The following NOTCH3 variants were observed in gnomAD, a reference collection of about 807,000 sequenced individuals.
NOTCH3 encodes the protein neurogenic locus notch homolog protein 3.
In NOTCH3, 86 loss-of-function variants were observed where a neutral mutation model predicts 213.3. That is an observed-to-expected ratio of 0.40 (90% CI 0.34 to 0.48). The LOEUF is 0.48. Among genes scored for constraint, NOTCH3 ranks in the 20% least tolerant of loss-of-function variants. NOTCH3 has a pLI of 0.57. For synonymous variants in NOTCH3, 1,354 were observed against 1,355.9 expected (o/e 1.00, Z 0.03); for missense variants, 2,783 against 3,272.6 (o/e 0.85, Z 3.65).
At chr19:15,174,839 GC>G (rs1292744924) in intron 24 of NOTCH3, among the ~76,000 whole-genome samples, 1 of 152,130 alleles carries the variant, frequency 6.6e-6, no homozygotes, top group African/African-American at 2.4e-5. Context: ...CTCCCAAAGT[GC>G]TGGGATCACA....
chr19:15,177,877 G>T lies in NOTCH3; in HGVS notation c.4051C>A (p.Arg1351Ser). The T allele has an allele frequency of 8.1e-7, 1 of 1,233,876 alleles. No individual in the cohort carries two copies. Among genetic ancestry groups the T allele is most frequent in the Non-Finnish European group, 1.0e-6 (1 of 990,186 alleles). 76.4% of individuals were successfully genotyped at this position (1,233,876 alleles called of 1,614,324 possible). A position where few individuals can be genotyped will look rare whatever the true frequency, so the allele number is the denominator to read the frequency against. Residue 1351 changes from arginine (R) to serine (S), a missense_variant, in exon 24 of 33, where the codon CGC becomes AGC. By Grantham distance (110) the Arg-to-Ser change is moderately radical. Around this residue, in one of 6 missense-constraint regions of NOTCH3, gnomAD observed 133 missense variants for 201.9 expected, o/e 0.66. Coordinates refer to ENST00000263388, the MANE Select transcript of NOTCH3 (RefSeq NM_000435.3). ...AAPCLHGGSC[R>S]PAPLAPFFRC... Reference sequence around the variant, plus strand: ...AAGAAGGGCGCGAGCGGCGCGGGGCGGCAGGAGCCCCCGTGGAGACAGGGG... The same window carrying T: ...AAGAAGGGCGCGAGCGGCGCGGGGCTGCAGGAGCCCCCGTGGAGACAGGGG...
At chr19:15,187,840 C>T (rs1183842962) in intron 10 of NOTCH3, 41 bp downstream of exon 10, 3 of 1,489,160 alleles carry the variant, frequency 2.0e-6, no homozygotes, top group Non-Finnish European at 1.8e-6. Context: ...CCACAAGCCC[C>T]GCCTCCTGAT....
chr19:15,181,232 C>T, intron 17 of NOTCH3, 70 bp from the exon 18 acceptor site: 6 of 1,415,932 alleles, frequency 4.2e-6, no homozygotes, highest in Non-Finnish European at 5.9e-6. Context: ...CTTCCTGAGT[C>T]CCGCTGTTAG....
chr19:15,161,812 A>G, intron 32 of NOTCH3, 98 bp from the exon 33 acceptor site: 1 of 1,058,998 alleles, frequency 9.4e-7, no homozygotes, highest in South Asian at 1.5e-5. Flanking sequence ...GAGTTTGTAC[A>G]CTGGAGCTTG....
At position 15,160,112 on chromosome 19, in the gene NOTCH3, G is replaced by C; in HGVS notation, c.*550C>G. The C allele has an allele frequency of 4.3e-6, 1 of 234,784 alleles. No individual in the cohort carries two copies. Among genetic ancestry groups the C allele is most frequent in the Non-Finnish European group, 8.4e-6 (1 of 118,970 alleles). 14.5% of individuals were successfully genotyped at this position (234,784 alleles called of 1,614,324 possible). Reference sequence around the variant, plus strand: ...CCTACTTGGTACATACCTGGGTCGTGTACTCGGTACACGGGATCCCAGTCA... The same window carrying C: ...CCTACTTGGTACATACCTGGGTCGTCTACTCGGTACACGGGATCCCAGTCA... On this transcript the variant is annotated 3_prime_UTR_variant, in exon 33 of 33. Transcript: ENST00000263388.
rs1211921771 is a variant in NOTCH3 at position 15,185,726 on chromosome 19, A to G, written c.1952-47T>C. On this transcript the variant is annotated intron_variant, in intron 12 of 32. Coordinates refer to ENST00000263388, the MANE Select transcript of NOTCH3 (RefSeq NM_000435.3). The surrounding 1 kb of genome is among the most constrained non-coding windows in gnomAD (Gnocchi z 4.2). ...TCATCTCAGAACAAAGTCAGCAGGG[A>G]CAACCAGGGAGGGACGACGTGACCC... 1.2e-6 allele frequency: 2 copies of G among 1,600,044 alleles called. No homozygotes were observed. The highest frequency in any genetic ancestry group is 2.7e-5 in the African/African-American group (2 of 74,726).
At chr19:15,169,095 G>A (rs368168451) in intron 28 of NOTCH3, among the ~76,000 whole-genome samples, 5 of 151,674 alleles carry the variant, frequency 3.3e-5, no homozygotes, top group African/African-American at 1.2e-4. Flanking sequence ...GGCCTTTAAG[G>A]AGGTAATTAA....
chr19:15,169,110 A>G (rs577578374), intron 28 of NOTCH3, among the ~76,000 whole-genome samples: 1 of 151,878 alleles, frequency 6.6e-6, no homozygotes, highest in East Asian at 2.0e-4. Flanking sequence ...AATTAAGGTT[A>G]TATGAGGTTA....
In NOTCH3 at chr19:15,185,205, T is replaced by C; in HGVS notation, c.2296+52A>G. On this transcript the variant is annotated intron_variant, in intron 14 of 32. Transcript: ENST00000263388. The surrounding 1 kb of genome is among the most constrained non-coding windows in gnomAD (Gnocchi z 4.2). ...AGGAGAGAGTAGAGGAGAAGAGAGA[T>C]GAGAAGGCCCATGGTGTTGGTGGGG... is the stretch of plus-strand genomic sequence containing the variant. 6.3e-7 allele frequency: 1 copy of C among 1,597,490 alleles called. No individual in the cohort carries two copies. Among genetic ancestry groups the C allele is most frequent in the Non-Finnish European group, 8.6e-7 (1 of 1,166,740 alleles).
rs550464740 is a variant in NOTCH3, at chr19:15,165,954, G to A, written c.5500C>T (p.Arg1834Trp). 7 of 1,614,176 alleles carry A rather than the reference G, an allele frequency of 4.3e-6. No homozygotes were observed. The highest frequency in any genetic ancestry group is 1.3e-5 in the African/African-American group (1 of 75,050). ...GCAGTCTCGCCAGTACGGTCAGTCCGTGCCCCAAGCTGAGCCCCCTGGCAG... is the reference window on the plus strand; with the variant it reads ...GCAGTCTCGCCAGTACGGTCAGTCCATGCCCCAAGCTGAGCCCCCTGGCAG... Reference protein sequence around the residue: ...LICQGAQLGARTDRTGETALH... With the variant: ...LICQGAQLGAWTDRTGETALH... The change falls in exon 30 of 33, where the codon CGG becomes TGG. Residue 1834 changes from arginine to tryptophan, a missense_variant. Transcript: ENST00000263388. This position sits in a 1 kb window ranked among gnomAD's most constrained non-coding sequence, Gnocchi z 4.7.
rs959377077 is a variant in NOTCH3 at position 15,189,732 on chromosome 19, T to G, written c.1037-304A>C. Among the ~76,000 whole-genome samples the G allele has an allele frequency of 2.0e-5, 3 of 151,968 alleles. No individual in the cohort carries two copies. The East Asian group carries it at 5.9e-4, about 30-fold the overall frequency. ...CGGGGTTTCACCAAGTTAGCCAGGT[T>G]GGTCTCAAACTCCTGACCTCAGGTG... On this transcript the variant is annotated intron_variant, in intron 6 of 32. Coordinates refer to ENST00000263388, the MANE Select transcript of NOTCH3 (RefSeq NM_000435.3).
chr19:15,162,390 A>T, intron 32 of NOTCH3, 75 bp downstream of exon 32: 1 of 973,428 alleles, frequency 1.0e-6, no homozygotes, highest in Non-Finnish European at 1.7e-6. Context: ...AGAGAGTCTC[A>T]CTCTGTTGCC....
Position 15,181,650 on chromosome 19 carries a change from G to A in NOTCH3, c.2718C>T (p.Ala906=), listed in dbSNP as rs2046842835. The stretch of plus-strand genomic sequence containing the variant: ...CTGGCGGGCAGGTGCAGGTGAAGGA[G>A]GCCACGTGGTCGGTACAGGTGCCCG... ...CGPGTCTDHV[A]SFTCTCPPGY... is the part of the protein sequence containing the mutation. Residue 906 remains alanine (A), a synonymous_variant, in exon 17 of 33, where the codon GCC becomes GCT. Coordinates refer to ENST00000263388, the MANE Select transcript of NOTCH3 (RefSeq NM_000435.3). 2 of 1,552,434 alleles carry A rather than the reference G, an allele frequency of 1.3e-6. No individual in the cohort carries two copies. The highest frequency in any genetic ancestry group is 1.7e-6 in the Non-Finnish European group (2 of 1,147,686).
chr19:15,161,391 C>T lies in NOTCH3; in HGVS notation c.6237G>A (p.Gly2079=), dbSNP rs376598183. ...AGGCCAGCGTCAGCTTCTTGCCCCGCCCCCGGGGCCCCTGCGGCCCCAGCC... is the reference window on the plus strand; with the variant it reads ...AGGCCAGCGTCAGCTTCTTGCCCCGTCCCCGGGGCCCCTGCGGCCCCAGCC... ...KAGLGPQGPR[G]RGKKLTLACP... Residue 2079 remains glycine (G), a synonymous_variant, in exon 33 of 33, where the codon GGG becomes GGA. Coordinates refer to ENST00000263388, the MANE Select transcript of NOTCH3 (RefSeq NM_000435.3). 2.5e-4 allele frequency: 385 copies of T among 1,521,270 alleles called. No individual in the cohort carries two copies. In the African/African-American group the frequency reaches 4.8e-3, roughly 19 times the overall value. The allele number at this position is 1,521,270 out of a possible 1,614,324, so 94.2% of individuals were successfully genotyped here.
Position 15,187,315 on chromosome 19 carries a change from G to T in NOTCH3, c.1630C>A (p.Arg544Ser), listed in dbSNP as rs201118034. The change falls in exon 11 of 33, where the codon CGC becomes AGC. Residue 544 changes from arginine to serine, a missense_variant. By Grantham distance (110) the Arg-to-Ser change is moderately radical. Coordinates refer to ENST00000263388, the MANE Select transcript of NOTCH3 (RefSeq NM_000435.3). ...AEGFEGTLCD[R>S]NVDDCSPDPC... ...TCAGGGGAGCAGTCGTCCACGTTGCGATCACACAGCGTGCCCTCAAAGCCT... is the reference window on the plus strand; with the variant it reads ...TCAGGGGAGCAGTCGTCCACGTTGCTATCACACAGCGTGCCCTCAAAGCCT... The T allele has an allele frequency of 6.2e-7, 1 of 1,613,780 alleles. No individual in the cohort carries two copies. The highest frequency in any genetic ancestry group is 2.2e-5 in the East Asian group (1 of 44,880).
intron 25 of NOTCH3, among the ~76,000 whole-genome samples, chr19:15,171,711 G>A (rs2046736358): frequency 1.3e-5 from 2 of 152,080 alleles, no homozygotes; most frequent in Admixed American, 6.5e-5. Context: ...TTGCTCTGTC[G>A]ACAGGCTGGA....
In NOTCH3 at chr19:15,185,745, G is replaced by A. The variant is rs1320210487; in HGVS notation, c.1952-66C>T. On this transcript the variant is annotated intron_variant, in intron 12 of 32. Transcript: ENST00000263388. This position sits in a 1 kb window ranked among gnomAD's most constrained non-coding sequence, Gnocchi z 4.2. ...GCAGGGACAACCAGGGAGGGACGACGTGACCCCACTTAGCACACCCACACC... is the reference window on the plus strand; with the variant it reads ...GCAGGGACAACCAGGGAGGGACGACATGACCCCACTTAGCACACCCACACC... The A allele has an allele frequency of 1.2e-5, 19 of 1,521,532 alleles. No individual in the cohort carries two copies. The Admixed American group carries it at 1.4e-4, about 11-fold the overall frequency. 94.3% of individuals were successfully genotyped at this position (1,521,532 alleles called of 1,614,324 possible).
chr19:15,167,206 G>A (rs1231489024), intron 29 of NOTCH3, 43 bp downstream of exon 29: 2 of 1,593,820 alleles, frequency 1.3e-6, no homozygotes, highest in Non-Finnish European at 1.7e-6. Context: ...TCACAGGTAG[G>A]ATGGGTGAGG....
rs750943761 is a variant in NOTCH3 at position 15,167,409 on chromosome 19, T to C, written c.5202A>G (p.Val1734=). The change falls in exon 29 of 33, where the codon GTA becomes GTG. Residue 1734 remains valine (V), a splice_region_variant and synonymous_variant. Transcript: ENST00000263388. ...TECPEAKRLK[V]EEPGMGAEEA... is the part of the protein sequence containing the mutation. ...CCTCAGCCCCCATGCCTGGCTCCTC[T>C]ACCTGGAGGGGCAGGCACCCTGGAT... The C allele has an allele frequency of 3.7e-6, 6 of 1,604,492 alleles. No homozygotes were observed. The East Asian group carries it at 1.1e-4, about 30-fold the overall frequency.
Sources: gnomAD v4.1 joint callset for allele counts (sites outside exome capture counted in the v4.1 genomes callset) on GRCh38, gnomAD v4.1.1 for gene constraint, gnomAD v4.1.1 regional missense constraint, Gnocchi (gnomAD v3.1) non-coding constraint, MANE v1.5 for transcripts, NCBI Gene and HGNC (gene_info 2026-07-23, HGNC 2026-07-21) for gene names.